The following ADGRF1 variants were observed in gnomAD, a reference collection of about 807,000 sequenced individuals.
ADGRF1 encodes adhesion G protein-coupled receptor F1.
A neutral mutation model predicts 87.2 loss-of-function variants in ADGRF1; 85 were observed. The observed-to-expected ratio is 0.97, with a 90% confidence interval of 0.82 to 1.17. The LOEUF (loss-of-function observed/expected upper bound fraction) is 1.17, where lower values mean the gene tolerates loss of function less well. Ranked by LOEUF, ADGRF1 falls within the 50% of genes most tolerant of loss-of-function variation. The probability of loss-of-function intolerance (pLI) is 0.00; values close to 1 mark genes in which losing one functional copy is unlikely to be tolerated. For missense variants in ADGRF1, 1,169 were observed against 1,077.2 expected (o/e 1.09, Z -1.19); for synonymous variants, 430 against 408.8 (o/e 1.05, Z -0.63).
Position 47,009,115 on chromosome 6 carries a change from C to A in ADGRF1, c.2320G>T (p.Val774Phe). The change falls in exon 11 of 15, where the codon GTT (valine) becomes TTT (phenylalanine). Residue 774 changes from valine (V) to phenylalanine (F), a missense_variant. Transcript: ENST00000371253. ...LVLTKLWRPT[V>F]GERLSRDDKA... ...TCATCCCGACTCAGTCTTTCCCCAA[C>A]AGTCGGCCTCCAGAGCTTTGTGAGA... 1.2e-6 allele frequency: 2 copies of A among 1,614,108 alleles called. No homozygotes were observed. Among genetic ancestry groups the A allele is most frequent in the Non-Finnish European group, 1.7e-6 (2 of 1,179,998 alleles).
chr6:47,010,121 T>G lies in ADGRF1; in HGVS notation c.1314A>C (p.Lys438Asn), dbSNP rs1186876937. 6.2e-7 allele frequency: 1 copy of G among 1,614,058 alleles called. No individual in the cohort carries two copies. Among genetic ancestry groups the G allele is most frequent in the Non-Finnish European group, 8.5e-7 (1 of 1,180,034 alleles). ...FIDWKGIPVN[K>N]SQLKRGYSYQ... ...AGCTGTAACCCCTTTTGAGTTGGCT[T>G]TTGTTCACTGGAATCCCTTTCCAGT... The change falls in exon 11 of 15, where the codon AAA (lysine) becomes AAC (asparagine). Residue 438 changes from lysine to asparagine, a missense_variant. By Grantham distance (94) the Lys-to-Asn change is moderately conservative. Coordinates refer to ENST00000371253, the MANE Select transcript of ADGRF1 (RefSeq NM_153840.4).
At chr6:47,020,210 T>C in intron 7 of ADGRF1, 1 of 1,241,660 alleles carries the variant, frequency 8.1e-7, no homozygotes, top group Non-Finnish European at 1.0e-6. Flanking sequence ...TTTAAGGTCC[T>C]AGGCCAGATG....
intron 1 of ADGRF1, among the ~76,000 whole-genome samples, chr6:47,034,293 G>C (rs1780524222): frequency 6.6e-6 from 1 of 152,040 alleles, no homozygotes; most frequent in African/African-American, 2.4e-5. Context: ...TCAATGTCTG[G>C]CAGTCACCAA....
intron 1 of ADGRF1, 52 bp downstream of exon 1, chr6:47,042,139 T>C (rs1780757228): frequency 6.6e-6 from 1 of 152,192 alleles, no homozygotes. Flanking sequence ...CAGGTAGTAC[T>C]GGTCATCGTA....
chr6:47,010,300 C>A lies in ADGRF1; in HGVS notation c.1135G>T (p.Asp379Tyr). 1 of 1,607,892 alleles carries A rather than the reference C, an allele frequency of 6.2e-7. No individual in the cohort carries two copies. Among genetic ancestry groups the A allele is most frequent in the South Asian group, 1.1e-5 (1 of 89,888 alleles). The change falls in exon 11 of 15, where the codon GAC becomes TAC. Residue 379 changes from aspartate to tyrosine, a missense_variant. Coordinates refer to ENST00000371253, the MANE Select transcript of ADGRF1 (RefSeq NM_153840.4). ...STMEDVISIA[D>Y]NILNSASVTN... ...ACTGAGGCTGAATTAAGGATATTGT[C>A]AGCTATACTGATGACATCCTGAAAC...
intron 5 of ADGRF1, among the ~76,000 whole-genome samples, chr6:47,022,959 C>T (rs924837090): frequency 1.4e-4 from 22 of 152,038 alleles, no homozygotes; most frequent in Admixed American, 1.2e-3. Flanking sequence ...GCACACACCA[C>T]CACACCTGTA....
At position 47,021,941 on chromosome 6, in the gene ADGRF1, A is replaced by C. The variant is rs1355437918; in HGVS notation, c.552+17T>G. The C allele has an allele frequency of 7.5e-7, 1 of 1,334,550 alleles. No individual in the cohort carries two copies. The highest frequency in any genetic ancestry group is 1.1e-6 in the Non-Finnish European group (1 of 936,102). The allele number at this position is 1,334,550 out of a possible 1,614,324, so 82.7% of individuals were successfully genotyped here. A position where few individuals can be genotyped will look rare whatever the true frequency, so the allele number is the denominator to read the frequency against. The stretch of plus-strand genomic sequence containing the variant: ...TGTAGCAAACGATTCCTTATATAAT[A>C]AGTAGAAAGTGCTTACTTGAATTTC... On this transcript the variant is annotated intron_variant, in intron 6 of 14. Coordinates refer to ENST00000371253, the MANE Select transcript of ADGRF1 (RefSeq NM_153840.4).
At chr6:47,006,333 T>C (rs1019948228) in intron 12 of ADGRF1, among the ~76,000 whole-genome samples, 2 of 152,178 alleles carry the variant, frequency 1.3e-5, no homozygotes, top group African/African-American at 4.8e-5. Context: ...AAACAAAGAC[T>C]ATACATCTAT....
At position 47,009,581 on chromosome 6, in the gene ADGRF1, T is replaced by C. The variant is rs138431849; in HGVS notation, c.1854A>G (p.Gln618=). Residue 618 remains glutamine, a synonymous_variant, in exon 11 of 15, where the codon CAA becomes CAG. Coordinates refer to ENST00000371253, the MANE Select transcript of ADGRF1 (RefSeq NM_153840.4). ...TGCAAATACGACGTGTGTGAGAGGT[T>C]TGGCTTTTTTTAATCTGCTTCCAAA... The part of the protein sequence containing the change: ...ALFWKQIKKS[Q]TSHTRRICMV... The C allele has an allele frequency of 9.4e-5, 152 of 1,614,102 alleles. No individual in the cohort carries two copies. The African/African-American group carries it at 1.9e-3, about 21-fold the overall frequency.
At chr6:47,013,875 T>A (rs1414139748) in intron 9 of ADGRF1, 1 of 146,436 alleles carries the variant, frequency 6.8e-6, no homozygotes, top group Non-Finnish European at 1.4e-5. Flanking sequence ...TCCATCTCTC[T>A]CTTTCTCTCT....
At chr6:47,036,453 A>T (rs1237929679) in intron 1 of ADGRF1, among the ~76,000 whole-genome samples, 1 of 152,194 alleles carries the variant, frequency 6.6e-6, no homozygotes, top group Admixed American at 6.5e-5. Context: ...GATTGTCCTC[A>T]GTGTCGAAGG....
intron 9 of ADGRF1, chr6:47,012,879 C>T (rs2113884561): frequency 1.5e-6 from 1 of 663,858 alleles, no homozygotes; most frequent in Non-Finnish European, 1.9e-6. Flanking sequence ...AAGGGATTCT[C>T]CTGCCTCAGC....
At position 47,024,093 on chromosome 6, in the gene ADGRF1, T is replaced by G; in HGVS notation, c.402A>C (p.Glu134Asp). 6.2e-7 allele frequency: 1 copy of G among 1,614,160 alleles called. No homozygotes were observed. The highest frequency in any genetic ancestry group is 8.5e-7 in the Non-Finnish European group (1 of 1,180,002). Residue 134 changes from glutamate to aspartate, a missense_variant, in exon 5 of 15, where the codon GAA (glutamate) becomes GAC (aspartate). Coordinates refer to ENST00000371253, the MANE Select transcript of ADGRF1 (RefSeq NM_153840.4). ...LHTAGALPSC[E>D]CHLNNLSQSV... Reference sequence around the variant, plus strand: ...TCTGGCTGAGGTTGTTGAGATGACATTCACAGCTTGGGAGTGCTCCAGCCG... The same window carrying G: ...TCTGGCTGAGGTTGTTGAGATGACAGTCACAGCTTGGGAGTGCTCCAGCCG...
In ADGRF1 at chr6:47,010,185, G is replaced by A. The variant is rs368135595; in HGVS notation, c.1250C>T (p.Pro417Leu). ...TLENISTLVP[P>L]TALPLNFSRK... ...AGAAAAATTCAGAGGAAGAGCTGTC[G>A]GAGGCACCAGAGTGCTGATGTTTTC... The change falls in exon 11 of 15, where the codon CCG becomes CTG. Residue 417 changes from proline (P) to leucine (L), a missense_variant. Pro to Leu is a moderately conservative substitution (Grantham distance 98). Transcript: ENST00000371253. 80 of 1,613,934 alleles carry A rather than the reference G, an allele frequency of 5.0e-5. No homozygotes were observed. Among genetic ancestry groups the A allele is most frequent in the Non-Finnish European group, 6.3e-5 (74 of 1,180,004 alleles).
Position 47,009,870 on chromosome 6 carries a change from A to C in ADGRF1, c.1565T>G (p.Phe522Cys). The C allele has an allele frequency of 6.2e-7, 1 of 1,614,066 alleles. No individual in the cohort carries two copies. Among genetic ancestry groups the C allele is most frequent in the Admixed American group, 1.7e-5 (1 of 60,020 alleles). ...NYSINEVFLF[F>C]SKIESNLSQP... ...GCTCAGGTTTGACTCTATCTTGGAA[A>C]AAAATAGGAAAACTTCATTTATGGA... The change falls in exon 11 of 15, where the codon TTT becomes TGT. Residue 522 changes from phenylalanine (F) to cysteine (C), a missense_variant. Coordinates refer to ENST00000371253, the MANE Select transcript of ADGRF1 (RefSeq NM_153840.4).
chr6:47,005,732 G>T (rs999093414), intron 13 of ADGRF1, 85 bp downstream of exon 13: 3 of 879,292 alleles, frequency 3.4e-6, no homozygotes, highest in Non-Finnish European at 1.8e-6. Flanking sequence ...TTACACAGAA[G>T]TTGGCTTGCA....
intron 13 of ADGRF1, among the ~76,000 whole-genome samples, chr6:47,002,275 C>A (rs542751226): frequency 6.6e-6 from 1 of 151,970 alleles, no homozygotes; most frequent in Admixed American, 6.5e-5. Context: ...ACAGTCTATG[C>A]CACAAGGAAA....
At chr6:47,008,527 A>T (rs964797243) in intron 11 of ADGRF1, among the ~76,000 whole-genome samples, 4 of 152,226 alleles carry the variant, frequency 2.6e-5, no homozygotes, top group African/African-American at 4.8e-5. Flanking sequence ...TTACAAAAAC[A>T]GGCTACTGGT....
At chr6:47,012,704 A>G (rs1779745240) in intron 9 of ADGRF1, 1 of 985,498 alleles carries the variant, frequency 1.0e-6, no homozygotes, top group Non-Finnish European at 1.2e-6. Flanking sequence ...AGATGGGAAG[A>G]GAGAGAAACA....
Sources: allele counts gnomAD v4.1 joint callset (sites outside exome capture counted in the v4.1 genomes callset), GRCh38; gene constraint gnomAD v4.1.1; transcripts MANE v1.5; gene names NCBI Gene and HGNC (gene_info 2026-07-23, HGNC 2026-07-21).